Variants in NOG observed in about 807,000 individuals in gnomAD.
NOG encodes noggin.
A neutral mutation model predicts 17.9 loss-of-function variants in NOG; 2 were observed. That is an observed-to-expected ratio of 0.11 (90% CI 0.05 to 0.35). The LOEUF is 0.35. Among genes scored for constraint, NOG ranks in the 10% least tolerant of loss-of-function variants. The pLI is 1.00. For synonymous variants in NOG, 166 were observed against 148.7 expected (o/e 1.12, Z -0.85); for missense variants, 266 against 318.6 (o/e 0.83, Z 1.26).
Position 56,594,171 on chromosome 17 carries a change from C to T in NOG, c.-53C>T. Reference sequence around the variant, plus strand: ...GCGGCGGCGCCGCGGGCTCGGCGTGCTCTCCTCCGGGGACGCGGGACGAAG... The same window carrying T: ...GCGGCGGCGCCGCGGGCTCGGCGTGTTCTCCTCCGGGGACGCGGGACGAAG... On this transcript the variant is annotated 5_prime_UTR_variant, in exon 1 of 1. Coordinates refer to ENST00000332822, the MANE Select transcript of NOG (RefSeq NM_005450.6). 2 of 1,475,572 alleles carry T rather than the reference C, an allele frequency of 1.4e-6. No homozygotes were observed. The highest frequency in any genetic ancestry group is 1.8e-6 in the Non-Finnish European group (2 of 1,096,412). The allele number at this position is 1,475,572 out of a possible 1,614,324, so 91.4% of individuals were successfully genotyped here.
chr17:56,593,729 G>A lies in NOG; in HGVS notation c.-495G>A. The A allele has an allele frequency of 5.6e-6, 1 of 177,780 alleles. No homozygotes were observed. Among genetic ancestry groups the A allele is most frequent in the Non-Finnish European group, 1.2e-5 (1 of 86,416 alleles). 11.0% of individuals were successfully genotyped at this position (177,780 alleles called of 1,614,324 possible). On this transcript the variant is annotated 5_prime_UTR_variant, in exon 1 of 1. Coordinates refer to ENST00000332822, the MANE Select transcript of NOG (RefSeq NM_005450.6). ...GGTGCCAACGTGCGCGGACGCCGCC[G>A]CCGCCGCCGCCGCTGGAGTCCGCCG... is the stretch of plus-strand genomic sequence containing the variant.
rs1312982970 is a variant in NOG at position 56,594,558 on chromosome 17, C to T, written c.335C>T (p.Pro112Leu). 6.3e-7 allele frequency: 1 copy of T among 1,593,124 alleles called. No individual in the cohort carries two copies. Among genetic ancestry groups the T allele is most frequent in the Non-Finnish European group, 8.6e-7 (1 of 1,169,100 alleles). The stretch of plus-strand genomic sequence containing the variant: ...CTGGACCAGCTGCTGCGGCAGCGGC[C>T]GTCGGGGGCCATGCCGAGCGAGATC... Reference protein sequence around the residue: ...AELDQLLRQRPSGAMPSEIKG... With the variant: ...AELDQLLRQRLSGAMPSEIKG... The change falls in exon 1 of 1, where the codon CCG (proline) becomes CTG (leucine). Residue 112 changes from proline to leucine, a missense_variant. By Grantham distance (98) the Pro-to-Leu change is moderately conservative. Around this residue, in one of 2 missense-constraint regions of NOG, gnomAD observed 192 missense variants for 197.6 expected, o/e 0.97. Transcript: ENST00000332822.
rs2145566888 is a variant in NOG, at chr17:56,594,184, A to G, written c.-40A>G. On this transcript the variant is annotated 5_prime_UTR_variant, in exon 1 of 1. Coordinates refer to ENST00000332822, the MANE Select transcript of NOG (RefSeq NM_005450.6). ...GGGCTCGGCGTGCTCTCCTCCGGGG[A>G]CGCGGGACGAAGCAGCAGCCCCGGG... 1.3e-6 allele frequency: 2 copies of G among 1,507,896 alleles called. No homozygotes were observed. The highest frequency in any genetic ancestry group is 1.2e-5 in the South Asian group (1 of 83,064). 93.4% of individuals were successfully genotyped at this position (1,507,896 alleles called of 1,614,324 possible).
rs747237879 is a variant in NOG at position 56,594,294 on chromosome 17, C to T, written c.71C>T (p.Pro24Leu). The change falls in exon 1 of 1, where the codon CCG (proline) becomes CTG (leucine). Residue 24 changes from proline to leucine, a missense_variant. Coordinates refer to ENST00000332822, the MANE Select transcript of NOG (RefSeq NM_005450.6). ...LVVVLGLRAT[P>L]AGGQHYLHIR... ...GTGGTCCTGGGGCTGCGGGCGACAC[C>T]GGCCGGCGGCCAGCACTATCTCCAC... 10 of 1,612,220 alleles carry T rather than the reference C, an allele frequency of 6.2e-6. No homozygotes were observed. Among genetic ancestry groups the T allele is most frequent in the Middle Eastern group, 1.6e-4 (1 of 6,082 alleles).
At position 56,594,164 on chromosome 17, in the gene NOG, C is replaced by G; in HGVS notation, c.-60C>G. 2 of 1,438,136 alleles carry G rather than the reference C, an allele frequency of 1.4e-6. No individual in the cohort carries two copies. Among genetic ancestry groups the G allele is most frequent in the Non-Finnish European group, 1.9e-6 (2 of 1,071,598 alleles). 89.1% of individuals were successfully genotyped at this position (1,438,136 alleles called of 1,614,324 possible). On this transcript the variant is annotated 5_prime_UTR_variant, in exon 1 of 1. Transcript: ENST00000332822. ...GGGGAGCGCGGCGGCGCCGCGGGCT[C>G]GGCGTGCTCTCCTCCGGGGACGCGG...
In NOG at chr17:56,594,128, C is replaced by T. The variant is rs2052464318; in HGVS notation, c.-96C>T. 35 of 1,147,308 alleles carry T rather than the reference C, an allele frequency of 3.1e-5. 1 individual carries two copies. In the East Asian group the frequency reaches 9.0e-4, roughly 30 times the overall value. The allele number at this position is 1,147,308 out of a possible 1,614,324, so 71.1% of individuals were successfully genotyped here. A position where few individuals can be genotyped will look rare whatever the true frequency, so the allele number is the denominator to read the frequency against. On this transcript the variant is annotated 5_prime_UTR_variant, in exon 1 of 1. Coordinates refer to ENST00000332822, the MANE Select transcript of NOG (RefSeq NM_005450.6). ...CTGCCCAGCCTCGGGTGAGCCGCCT[C>T]CGGAGAGACGGGGGAGCGCGGCGGC...
chr17:56,594,477 A>G lies in NOG; in HGVS notation c.254A>G (p.Glu85Gly). ...DPGFMATSPP[E>G]DRPGGGGGAA... ...GGCTTCATGGCCACCTCGCCCCCCG[A>G]GGACCGGCCCGGCGGGGGCGGGGGT... The change falls in exon 1 of 1, where the codon GAG becomes GGG. Residue 85 changes from glutamate to glycine, a missense_variant. This residue lies in a region of NOG where 192 missense variants were observed against 197.6 expected (regional missense o/e 0.97). Coordinates refer to ENST00000332822, the MANE Select transcript of NOG (RefSeq NM_005450.6). 1 of 1,611,438 alleles carries G rather than the reference A, an allele frequency of 6.2e-7. No individual in the cohort carries two copies.
In NOG at chr17:56,595,001, C is replaced by T. The variant is rs910351881; in HGVS notation, c.*79C>T. 4 of 934,806 alleles carry T rather than the reference C, an allele frequency of 4.3e-6. No individual in the cohort carries two copies. The highest frequency in any genetic ancestry group is 4.9e-5 in the Admixed American group (2 of 40,990). The allele number at this position is 934,806 out of a possible 1,614,324, so 57.9% of individuals were successfully genotyped here. ...CCCCTGCACCGCCTCCAACCAGTTC[C>T]ACCACCCTCTAGCGAGGGTTTTCAA... On this transcript the variant is annotated 3_prime_UTR_variant, in exon 1 of 1. Coordinates refer to ENST00000332822, the MANE Select transcript of NOG (RefSeq NM_005450.6).
chr17:56,594,934 C>T lies in NOG; in HGVS notation c.*12C>T. ...AGTGCTCGTGCTAGAACTCGGGGGC[C>T]CCCTGCCCGCACCCGGACACTTGAT... On this transcript the variant is annotated 3_prime_UTR_variant, in exon 1 of 1. Transcript: ENST00000332822. 1 of 1,551,760 alleles carries T rather than the reference C, an allele frequency of 6.4e-7. No homozygotes were observed. Among genetic ancestry groups the T allele is most frequent in the Non-Finnish European group, 8.7e-7 (1 of 1,145,222 alleles).
In NOG at chr17:56,595,025, A is replaced by C; in HGVS notation, c.*103A>C. On this transcript the variant is annotated 3_prime_UTR_variant, in exon 1 of 1. Coordinates refer to ENST00000332822, the MANE Select transcript of NOG (RefSeq NM_005450.6). ...CCACCACCCTCTAGCGAGGGTTTTCAATGAACTTTTTTTTTTTTTTTTTTT... is the reference window on the plus strand; with the variant it reads ...CCACCACCCTCTAGCGAGGGTTTTCCATGAACTTTTTTTTTTTTTTTTTTT... 1 of 630,364 alleles carries C rather than the reference A, an allele frequency of 1.6e-6. No individual in the cohort carries two copies. The highest frequency in any genetic ancestry group is 2.6e-6 in the Non-Finnish European group (1 of 384,592). The allele number at this position is 630,364 out of a possible 1,614,324, so 39.0% of individuals were successfully genotyped here. A position where few individuals can be genotyped will look rare whatever the true frequency, so the allele number is the denominator to read the frequency against.
rs2052461782 is a variant in NOG at position 56,593,953 on chromosome 17, T to C, written c.-271T>C. Reference sequence around the variant, plus strand: ...CGCCTCCCGCGCCCCGCGGTCGCCCTGGAGTAATTTCGGATGCCCAGCCGC... The same window carrying C: ...CGCCTCCCGCGCCCCGCGGTCGCCCCGGAGTAATTTCGGATGCCCAGCCGC... On this transcript the variant is annotated 5_prime_UTR_variant, in exon 1 of 1. Transcript: ENST00000332822. The C allele has an allele frequency of 9.8e-6, 4 of 408,120 alleles. No individual in the cohort carries two copies. Among genetic ancestry groups the C allele is most frequent in the Non-Finnish European group, 1.3e-5 (3 of 232,172 alleles). The allele number at this position is 408,120 out of a possible 1,614,324, so 25.3% of individuals were successfully genotyped here.
rs2052474115 is a variant in NOG, at chr17:56,595,030, A to AATTT, written c.*108_*109insATTT. Reference sequence around the variant, plus strand: ...ACCCTCTAGCGAGGGTTTTCAATGAACTTTTTTTTTTTTTTTTTTTTTTTT... The same window carrying AATTT: ...ACCCTCTAGCGAGGGTTTTCAATGAAATTTCTTTTTTTTTTTTTTTTTTTTTTTT... On this transcript the variant is annotated 3_prime_UTR_variant, in exon 1 of 1. Transcript: ENST00000332822. The AATTT allele has an allele frequency of 2.1e-6, 1 of 473,400 alleles. No individual in the cohort carries two copies. The highest frequency in any genetic ancestry group is 3.9e-5 in the African/African-American group (1 of 25,882). 29.3% of individuals were successfully genotyped at this position (473,400 alleles called of 1,614,324 possible).
At position 56,594,138 on chromosome 17, in the gene NOG, G is replaced by T; in HGVS notation, c.-86G>T. ...TCGGGTGAGCCGCCTCCGGAGAGAC[G>T]GGGGAGCGCGGCGGCGCCGCGGGCT... On this transcript the variant is annotated 5_prime_UTR_variant, in exon 1 of 1. Transcript: ENST00000332822. The T allele has an allele frequency of 2.4e-6, 3 of 1,224,610 alleles. No homozygotes were observed. The highest frequency in any genetic ancestry group is 1.5e-5 in the South Asian group (1 of 65,954). The allele number at this position is 1,224,610 out of a possible 1,614,324, so 75.9% of individuals were successfully genotyped here. A position where few individuals can be genotyped will look rare whatever the true frequency, so the allele number is the denominator to read the frequency against.
rs2052473847 is a variant in NOG at position 56,595,006 on chromosome 17, C to T, written c.*84C>T. Reference sequence around the variant, plus strand: ...GCACCGCCTCCAACCAGTTCCACCACCCTCTAGCGAGGGTTTTCAATGAAC... The same window carrying T: ...GCACCGCCTCCAACCAGTTCCACCATCCTCTAGCGAGGGTTTTCAATGAAC... On this transcript the variant is annotated 3_prime_UTR_variant, in exon 1 of 1. Transcript: ENST00000332822. 1 of 874,844 alleles carries T rather than the reference C, an allele frequency of 1.1e-6. No individual in the cohort carries two copies. Among genetic ancestry groups the T allele is most frequent in the Admixed American group, 2.7e-5 (1 of 36,600 alleles). 54.2% of individuals were successfully genotyped at this position (874,844 alleles called of 1,614,324 possible).
rs2052461923 is a variant in NOG, at chr17:56,593,965, G to C, written c.-259G>C. ...CCCGCGGTCGCCCTGGAGTAATTTCGGATGCCCAGCCGCGGCCGCCTTCCC... is the reference window on the plus strand; with the variant it reads ...CCCGCGGTCGCCCTGGAGTAATTTCCGATGCCCAGCCGCGGCCGCCTTCCC... On this transcript the variant is annotated 5_prime_UTR_variant, in exon 1 of 1. Transcript: ENST00000332822. 1 of 418,652 alleles carries C rather than the reference G, an allele frequency of 2.4e-6. No individual in the cohort carries two copies. The highest frequency in any genetic ancestry group is 4.2e-6 in the Non-Finnish European group (1 of 239,004). The allele number at this position is 418,652 out of a possible 1,614,324, so 25.9% of individuals were successfully genotyped here.
chr17:56,595,283 T>G lies in NOG; in HGVS notation c.*361T>G, dbSNP rs2052477672. 1 of 184,584 alleles carries G rather than the reference T, an allele frequency of 5.4e-6. No homozygotes were observed. Among genetic ancestry groups the G allele is most frequent in the Non-Finnish European group, 1.2e-5 (1 of 80,450 alleles). 11.4% of individuals were successfully genotyped at this position (184,584 alleles called of 1,614,324 possible). A position where few individuals can be genotyped will look rare whatever the true frequency, so the allele number is the denominator to read the frequency against. ...CTTATTCTGGTTGTTGCTAATAATGTTAACCTGCTATTTATATTCCAGTGC... is the reference window on the plus strand; with the variant it reads ...CTTATTCTGGTTGTTGCTAATAATGGTAACCTGCTATTTATATTCCAGTGC... On this transcript the variant is annotated 3_prime_UTR_variant, in exon 1 of 1. Transcript: ENST00000332822.
Position 56,593,915 on chromosome 17 carries a change from A to C in NOG, c.-309A>C. 3.0e-6 allele frequency: 1 copy of C among 338,324 alleles called. No individual in the cohort carries two copies. The highest frequency in any genetic ancestry group is 5.3e-6 in the Non-Finnish European group (1 of 188,020). The allele number at this position is 338,324 out of a possible 1,614,324, so 21.0% of individuals were successfully genotyped here. ...TGCGCCGCCGCCGGCCCGGGAAGGC[A>C]GCGAGGAGCCGGCGCCTCCCGCGCC... is the stretch of plus-strand genomic sequence containing the variant. On this transcript the variant is annotated 5_prime_UTR_variant, in exon 1 of 1. Coordinates refer to ENST00000332822, the MANE Select transcript of NOG (RefSeq NM_005450.6).
Position 56,594,634 on chromosome 17 carries a change from A to G in NOG, c.411A>G (p.Leu137=). The G allele has an allele frequency of 6.2e-7, 1 of 1,613,856 alleles. No individual in the cohort carries two copies. Among genetic ancestry groups the G allele is most frequent in the Non-Finnish European group, 8.5e-7 (1 of 1,179,906 alleles). Residue 137 remains leucine (L), a synonymous_variant, in exon 1 of 1, where the codon CTA becomes CTG. Transcript: ENST00000332822. ...EGLAQGKKQR[L]SKKLRRKLQM... ...TGGCCCAGGGCAAGAAGCAGCGCCT[A>G]AGCAAGAAGCTGCGGAGGAAGTTAC... is the stretch of plus-strand genomic sequence containing the variant.
Position 56,594,497 on chromosome 17 carries a change from G to T in NOG, c.274G>T (p.Gly92Trp), listed in dbSNP as rs1202550921. Residue 92 changes from glycine (G) to tryptophan (W), a missense_variant, in exon 1 of 1, where the codon GGG becomes TGG. Physicochemically the swap from Gly to Trp is radical, Grantham distance 184. Transcript: ENST00000332822. ...CCCCGAGGACCGGCCCGGCGGGGGC[G>T]GGGGTGCAGCTGGGGGCGCGGAGGA... is the stretch of plus-strand genomic sequence containing the variant. ...SPPEDRPGGG[G>W]GAAGGAEDLA... is the part of the protein sequence containing the mutation. 1.2e-6 allele frequency: 2 copies of T among 1,609,322 alleles called. No homozygotes were observed. Among genetic ancestry groups the T allele is most frequent in the Non-Finnish European group, 1.7e-6 (2 of 1,177,946 alleles).
Sources: allele counts gnomAD v4.1 joint callset, GRCh38; gene constraint gnomAD v4.1.1; regional missense constraint gnomAD v4.1.1; transcripts MANE v1.5; gene names NCBI Gene and HGNC (gene_info 2026-07-23, HGNC 2026-07-21).